The following SEMA3E variants were observed in gnomAD, a reference collection of about 807,000 sequenced individuals.
SEMA3E encodes the protein semaphorin-3E.
In SEMA3E, 49 loss-of-function variants were observed where a neutral mutation model predicts 93.6. The observed-to-expected ratio is 0.52, with a 90% confidence interval of 0.42 to 0.66. The LOEUF is 0.66. Ranked by LOEUF, SEMA3E falls within the 30% of genes least tolerant of loss-of-function variation. The pLI, the probability that SEMA3E is intolerant of heterozygous loss-of-function variation, is 0.00. For missense variants in SEMA3E, 906 were observed against 964.8 expected, an observed-to-expected ratio of 0.94 and a Z score of 0.81; for synonymous variants, 363 against 330.7, an observed-to-expected ratio of 1.10 and a Z score of -1.06.
intron 4 of SEMA3E, among the ~76,000 whole-genome samples, chr7:83,454,295 AT>A (rs1369085435): frequency 2.2e-5 from 3 of 135,880 alleles, no homozygotes; most frequent in African/African-American, 8.1e-5. Flanking sequence ...ATATATATAT[AT>A]AATGTGTGTA....
chr7:83,547,195 A>G (rs774763247), intron 1 of SEMA3E, among the ~76,000 whole-genome samples: 13 of 152,128 alleles, frequency 8.5e-5, no homozygotes, highest in Admixed American at 7.2e-4. Flanking sequence ...TTTATTTCTG[A>G]ATAACACCTT....
intron 1 of SEMA3E, among the ~76,000 whole-genome samples, chr7:83,531,259 A>T (rs1362469021): frequency 2.9e-5 from 4 of 140,028 alleles, no homozygotes; most frequent in Non-Finnish European, 4.7e-5. Context: ...TCAAACAAGG[A>T]GTAAACAAGT....
Position 83,400,460 on chromosome 7 carries a change from ATGT to A in SEMA3E, c.1144-213_1144-211del, listed in dbSNP as rs1788216649. 2.0e-5 allele frequency among the ~76,000 whole-genome samples: 3 copies of A among 151,954 alleles called. 1 individual carries two copies. Among genetic ancestry groups the A allele is most frequent in the Admixed American group, 1.3e-4 (2 of 15,228 alleles). On this transcript the variant is annotated intron_variant, in intron 10 of 16. Coordinates refer to ENST00000643230, the MANE Select transcript of SEMA3E (RefSeq NM_012431.3). ...CCAGGTTTGTTATATAGGTAAACTC[ATGT>A]TGTTGTACAGATTATTTTGTCACCC... is the stretch of plus-strand genomic sequence containing the variant.
chr7:83,518,289 T>C (rs1008021685), intron 1 of SEMA3E, among the ~76,000 whole-genome samples: 5 of 151,932 alleles, frequency 3.3e-5, no homozygotes, highest in African/African-American at 1.2e-4. Flanking sequence ...ATTAACGTGT[T>C]CATTTGCCAA....
At chr7:83,404,488 T>C (rs1313437664) in intron 9 of SEMA3E, among the ~76,000 whole-genome samples, 1 of 152,136 alleles carries the variant, frequency 6.6e-6, no homozygotes, top group East Asian at 1.9e-4. Context: ...CTTTATTTTT[T>C]ATCCTAATCA....
intron 4 of SEMA3E, among the ~76,000 whole-genome samples, chr7:83,427,856 T>C (rs1182249621): frequency 6.6e-6 from 1 of 152,206 alleles, no homozygotes; most frequent in Non-Finnish European, 1.5e-5. Context: ...CTATTGAGAA[T>C]GTTGGTCACG....
At chr7:83,615,844 A>ATTGTTT (rs1793354902) in intron 1 of SEMA3E, among the ~76,000 whole-genome samples, 1 of 152,152 alleles carries the variant, frequency 6.6e-6, no homozygotes, top group Non-Finnish European at 1.5e-5. Context: ...ATTGTTAAAC[A>ATTGTTT]CAAGCCAAAG....
intron 4 of SEMA3E, among the ~76,000 whole-genome samples, chr7:83,430,914 T>C (rs370412380): frequency 3.3e-5 from 5 of 152,214 alleles, no homozygotes; most frequent in African/African-American, 1.2e-4. Context: ...AAAGTTACTA[T>C]GGCCAAGGAA....
At chr7:83,572,845 A>G (rs1792315387) in intron 1 of SEMA3E, among the ~76,000 whole-genome samples, 1 of 152,162 alleles carries the variant, frequency 6.6e-6, no homozygotes, top group Non-Finnish European at 1.5e-5. Flanking sequence ...CTGGACATCT[A>G]TTTTTTATCA....
chr7:83,380,410 A>G (rs1213521373), intron 16 of SEMA3E, among the ~76,000 whole-genome samples: 1 of 151,908 alleles, frequency 6.6e-6, no homozygotes, highest in Non-Finnish European at 1.5e-5. Flanking sequence ...AGTTGTTCTC[A>G]TTGGCTTAGA....
intron 1 of SEMA3E, among the ~76,000 whole-genome samples, chr7:83,576,498 T>C (rs1378084313): frequency 9.2e-5 from 14 of 152,186 alleles, no homozygotes; most frequent in Non-Finnish European, 2.9e-5. Flanking sequence ...ATTTTCTAAT[T>C]CTTGATCTTT....
intron 16 of SEMA3E, chr7:83,371,407 C>A (rs1794747303): frequency 6.6e-6 from 1 of 152,096 alleles, no homozygotes; most frequent in African/African-American, 2.4e-5. Context: ...ACATATGTGG[C>A]AATCTGTGTC....
chr7:83,413,518 T>C (rs1788484681), intron 5 of SEMA3E, among the ~76,000 whole-genome samples: 1 of 152,172 alleles, frequency 6.6e-6, no homozygotes, highest in Non-Finnish European at 1.5e-5. Flanking sequence ...ATGACATGCA[T>C]AGCTACAAAG....
intron 1 of SEMA3E, among the ~76,000 whole-genome samples, chr7:83,494,387 T>C (rs1018840459): frequency 6.6e-6 from 1 of 151,804 alleles, no homozygotes; most frequent in Non-Finnish European, 1.5e-5. Context: ...AAAAATACTA[T>C]GGTGGACATT....
intron 14 of SEMA3E, among the ~76,000 whole-genome samples, chr7:83,389,958 AGTGTATAC>A (rs1787966512): frequency 2.6e-5 from 1 of 38,288 alleles, no homozygotes; most frequent in Admixed American, 3.1e-4. Context: ...ATATGTGTAT[AGTGTATAC>A]GTATACACAT....
intron 4 of SEMA3E, among the ~76,000 whole-genome samples, chr7:83,442,074 T>A (rs1789126196): frequency 6.6e-6 from 1 of 152,166 alleles, no homozygotes; most frequent in Non-Finnish European, 1.5e-5. Context: ...TGTACATACA[T>A]AAACCTGTAA....
intron 1 of SEMA3E, among the ~76,000 whole-genome samples, chr7:83,560,269 C>T (rs1792001321): frequency 6.6e-6 from 1 of 152,026 alleles, no homozygotes; most frequent in African/African-American, 2.4e-5. Context: ...AACAAATGTA[C>T]AACTCTGGTG....
intron 4 of SEMA3E, among the ~76,000 whole-genome samples, 169 bp from the exon 5 acceptor site, chr7:83,418,652 T>A (rs538486416): frequency 6.6e-6 from 1 of 152,254 alleles, no homozygotes; most frequent in Non-Finnish European, 1.5e-5. Context: ...AATAAGCACA[T>A]GTGTTTTACA....
intron 1 of SEMA3E, among the ~76,000 whole-genome samples, chr7:83,634,732 T>C (rs1178340738): frequency 2.6e-5 from 4 of 152,068 alleles, no homozygotes; most frequent in African/African-American, 7.2e-5. Flanking sequence ...CTTATGACTG[T>C]AACAATATAA....
Sources: allele counts gnomAD v4.1 joint callset (sites outside exome capture counted in the v4.1 genomes callset), GRCh38; gene constraint gnomAD v4.1.1; transcripts MANE v1.5; gene names NCBI Gene and HGNC (gene_info 2026-07-23, HGNC 2026-07-21).